Variants in IAH1 observed in about 807,000 individuals in gnomAD.
IAH1 encodes isoamyl acetate-hydrolyzing esterase 1 homolog.
A neutral mutation model predicts 26.7 loss-of-function variants in IAH1; 24 were observed. That is an observed-to-expected ratio of 0.90 (90% CI 0.65 to 1.26). The LOEUF is 1.26. IAH1 is among the 50% of genes most tolerant of loss of function. IAH1 has a pLI of 0.00. For synonymous variants in IAH1, 140 were observed against 118.5 expected (o/e 1.18, Z -1.18); for missense variants, 300 against 299.9 (o/e 1.00, Z 0.00).
intron 5 of IAH1, among the ~76,000 whole-genome samples, chr2:9,487,159 T>C (rs1240802122): frequency 6.6e-6 from 1 of 152,048 alleles, no homozygotes. Context: ...GAAAGATCGC[T>C]TGAGCCCAGG....
At chr2:9,497,962 ATTAAG>A (rs966554863), downstream of IAH1, among the ~76,000 whole-genome samples, 37 of 152,304 alleles carry the variant, frequency 2.4e-4, no homozygotes, top group African/African-American at 8.4e-4. Flanking sequence ...GATCAAATCT[ATTAAG>A]TTATCTCCAA....
chr2:9,504,305 C>A, the IAH1 span, among the ~76,000 whole-genome samples: 1 of 151,558 alleles, frequency 6.6e-6, no homozygotes, highest in Admixed American at 6.6e-5. Flanking sequence ...ATCAGCCAGG[C>A]GTGATGGTGC....
the IAH1 span, among the ~76,000 whole-genome samples, chr2:9,510,595 C>T: frequency 1.3e-5 from 2 of 150,232 alleles, no homozygotes; most frequent in South Asian, 2.1e-4. Flanking sequence ...ACCCAGGGGG[C>T]GGAGGTTGCA....
upstream of IAH1, chr2:9,474,445 T>TTC: frequency 2.0e-6 from 1 of 504,120 alleles, no homozygotes; most frequent in East Asian, 3.8e-5. This position sits in a 1 kb window ranked among gnomAD's most constrained non-coding sequence, Gnocchi z 4.3. Context: ...GGCAACGACC[T>TTC]TCGCGCGTCA....
rs765711814 is a variant in IAH1, at chr2:9,488,291, A to G, written c.709A>G (p.Lys237Glu). ...TTACTGGCGGGATGTAGCAGAAGCA[A>G]AACCTGAATTAAGTCTGCTGGGAGA... ...LPYWRDVAEA[K>E]PELSLLGDGD... Residue 237 changes from lysine (K) to glutamate (E), a missense_variant, in exon 6 of 6, where the codon AAA becomes GAA. Physicochemically the swap from Lys to Glu is moderately conservative, Grantham distance 56 (BLOSUM62 1). Transcript: ENST00000497473. The G allele has an allele frequency of 6.2e-7, 1 of 1,611,908 alleles. No individual in the cohort carries two copies. Among genetic ancestry groups the G allele is most frequent in the South Asian group, 1.1e-5 (1 of 90,694 alleles).
the IAH1 span, among the ~76,000 whole-genome samples, chr2:9,503,157 AG>A: frequency 2.7e-5 from 4 of 150,844 alleles, no homozygotes; most frequent in Non-Finnish European, 3.0e-5. Flanking sequence ...AAAAAAGACA[AG>A]GAAAAAAAAA....
At chr2:9,486,318 G>T (rs1282511053) in intron 5 of IAH1, 1 of 152,132 alleles carries the variant, frequency 6.6e-6, no homozygotes, top group African/African-American at 2.4e-5. Context: ...TTGGCAGCTT[G>T]AGTGCCAAAA....
the IAH1 span, chr2:9,502,394 T>C: frequency 1.3e-6 from 1 of 787,620 alleles, no homozygotes. Context: ...CCTGGCTCCG[T>C]CACCCACTCC....
At chr2:9,479,335 GAA>G (rs1337982767) in intron 3 of IAH1, among the ~76,000 whole-genome samples, 1 of 152,098 alleles carries the variant, frequency 6.6e-6, no homozygotes, top group African/African-American at 2.4e-5. Context: ...ACAGGTTTAT[GAA>G]ATAAAATAGG....
chr2:9,511,764 A>G, the IAH1 span, among the ~76,000 whole-genome samples: 24,062 of 152,150 alleles, frequency 0.16, 2,113 homozygotes, highest in Middle Eastern at 0.28. Context: ...TGAGGTCAGG[A>G]GTTCCAGACC....
the IAH1 span, among the ~76,000 whole-genome samples, chr2:9,510,905 T>G: frequency 1.3e-5 from 2 of 152,234 alleles, no homozygotes; most frequent in African/African-American, 2.4e-5. Flanking sequence ...GGATTTTATT[T>G]AATACTATCA....
At chr2:9,504,203 T>C in the IAH1 span, among the ~76,000 whole-genome samples, 2 of 151,616 alleles carry the variant, frequency 1.3e-5, no homozygotes, top group African/African-American at 2.4e-5. Context: ...TCCCAGCACT[T>C]TGGGAGGCCA....
intron 5 of IAH1, among the ~76,000 whole-genome samples, 195 bp from the exon 6 acceptor site, chr2:9,487,952 G>A (rs1390615626): frequency 3.9e-5 from 6 of 151,922 alleles, no homozygotes; most frequent in African/African-American, 7.3e-5. Flanking sequence ...TCCCATCTTC[G>A]CCTCCCAAGT....
At position 9,489,367 on chromosome 2, in the gene IAH1, G is replaced by A. The variant is rs1169417283; in HGVS notation, c.*1038G>A. 6.7e-6 allele frequency: 1 copy of A among 148,446 alleles called. No individual in the cohort carries two copies. The highest frequency in any genetic ancestry group is 6.8e-5 in the Admixed American group (1 of 14,774). The allele number at this position is 148,446 out of a possible 1,614,324, so 9.2% of individuals were successfully genotyped here. On this transcript the variant is annotated 3_prime_UTR_variant, in exon 6 of 6. Coordinates refer to ENST00000497473, the MANE Select transcript of IAH1 (RefSeq NM_001039613.3). ...CCAAGTGCTGGGATTACAGGCATGA[G>A]CCACCACTCCCAGCCAATAGTGAAT...
rs192592002 is a variant in IAH1, at chr2:9,488,580, A to G, written c.*251A>G. ...GTTAATTCTATAAATGACAAAGACT[A>G]TGTTTTTAAAAAGTCACAATTTTAT... is the stretch of plus-strand genomic sequence containing the variant. On this transcript the variant is annotated 3_prime_UTR_variant, in exon 6 of 6. Coordinates refer to ENST00000497473, the MANE Select transcript of IAH1 (RefSeq NM_001039613.3). 126 of 319,778 alleles carry G rather than the reference A, an allele frequency of 3.9e-4. No individual in the cohort carries two copies. The highest frequency in any genetic ancestry group is 7.1e-4 in the Admixed American group (15 of 21,058). The allele number at this position is 319,778 out of a possible 1,614,324, so 19.8% of individuals were successfully genotyped here.
chr2:9,490,070 C>CTG (rs1661988289), downstream of IAH1: 5 of 1,078,464 alleles, frequency 4.6e-6, no homozygotes, highest in African/African-American at 3.2e-5. Context: ...TGACCAGCAT[C>CTG]TGCTAAGTCA....
chr2:9,486,752 C>T (rs1202353239), intron 5 of IAH1: 2 of 151,876 alleles, frequency 1.3e-5, no homozygotes, highest in African/African-American at 2.4e-5. Flanking sequence ...TCACCTGAAC[C>T]CGGGAGGCAG....
chr2:9,500,464 A>C (rs1408073288), downstream of IAH1, among the ~76,000 whole-genome samples: 1 of 152,192 alleles, frequency 6.6e-6, no homozygotes, highest in Non-Finnish European at 1.5e-5. Flanking sequence ...AGTAATGTAA[A>C]TGTTCTAAAA....
intron 6 of IAH1, among the ~76,000 whole-genome samples, chr2:9,495,860 CT>C (rs34087915): frequency 0.25 from 35,197 of 138,556 alleles, 4,748 homozygotes; most frequent in Middle Eastern, 0.33. Flanking sequence ...TACGTGTTAC[CT>C]TTTTTTTTTT....
Sources: gnomAD v4.1 joint callset for allele counts (sites outside exome capture counted in the v4.1 genomes callset) on GRCh38, gnomAD v4.1.1 for gene constraint, Gnocchi (gnomAD v3.1) non-coding constraint, MANE v1.5 for transcripts, NCBI Gene and HGNC (gene_info 2026-07-23, HGNC 2026-07-21) for gene names.